The following CTNNA2 variants were observed in gnomAD, a reference collection of about 807,000 sequenced individuals.
CTNNA2 encodes the protein catenin alpha-2.
Under a neutral mutation model 101.0 loss-of-function variants are expected in CTNNA2, and 42 were observed. The ratio of observed to expected loss-of-function variants is 0.42; its 90% CI spans 0.32 to 0.54. The LOEUF (loss-of-function observed/expected upper bound fraction) is 0.54, where lower values mean the gene tolerates loss of function less well. Among genes scored for constraint, CTNNA2 ranks in the 20% least tolerant of loss-of-function variants. The pLI, the probability that CTNNA2 is intolerant of heterozygous loss-of-function variation, is 0.14. For missense variants in CTNNA2, 871 were observed against 1,223.1 expected (o/e 0.71, Z 4.29); for synonymous variants, 450 against 456.4 (o/e 0.99, Z 0.18).
At chr2:80,204,099 C>T (rs1005791303) in intron 7 of CTNNA2, among the ~76,000 whole-genome samples, 8 of 152,180 alleles carry the variant, frequency 5.3e-5, no homozygotes, top group Non-Finnish European at 2.9e-5. Flanking sequence ...ACCCTGGGCC[C>T]GGACCACAAA....
At chr2:79,424,384 C>A (rs1186030439) in intron 4 of CTNNA2, among the ~76,000 whole-genome samples, 1 of 152,078 alleles carries the variant, frequency 6.6e-6, no homozygotes, top group Non-Finnish European at 1.5e-5. Context: ...AAGTATGAGG[C>A]CCATAATTGA....
At chr2:79,920,474 GC>G (rs1686578618) in intron 7 of CTNNA2, among the ~76,000 whole-genome samples, 1 of 152,116 alleles carries the variant, frequency 6.6e-6, no homozygotes, top group Non-Finnish European at 1.5e-5. Flanking sequence ...ATTTGGCCTG[GC>G]ACATAGGAGG....
At chr2:80,204,037 G>A (rs2149022926) in intron 7 of CTNNA2, among the ~76,000 whole-genome samples, 1 of 152,266 alleles carries the variant, frequency 6.6e-6, no homozygotes, top group East Asian at 1.9e-4. Context: ...AGTTATGGCT[G>A]GAGTGGCTGG....
chr2:79,860,570 A>ATTTT (rs1681539838), intron 4 of CTNNA2, among the ~76,000 whole-genome samples: 1 of 15,072 alleles, frequency 6.6e-5, no homozygotes, highest in Non-Finnish European at 1.5e-4. Context: ...TTTTTTAACG[A>ATTTT]TTTAGCACAA....
chr2:80,247,553 T>C (rs558917630), intron 7 of CTNNA2, among the ~76,000 whole-genome samples: 3 of 152,308 alleles, frequency 2.0e-5, no homozygotes, highest in Non-Finnish European at 4.4e-5. Context: ...AACAAGTCTA[T>C]CCTTTTGGAT....
At chr2:79,269,250 T>C (rs546265051) in intron 2 of CTNNA2, among the ~76,000 whole-genome samples, 2 of 152,210 alleles carry the variant, frequency 1.3e-5, no homozygotes, top group Admixed American at 1.3e-4. Flanking sequence ...TCTTAAAATA[T>C]TGACAGCCTA....
At chr2:79,331,643 C>T (rs973234635) in intron 3 of CTNNA2, among the ~76,000 whole-genome samples, 1 of 152,126 alleles carries the variant, frequency 6.6e-6, no homozygotes, top group Non-Finnish European at 1.5e-5. Flanking sequence ...TGCCTTCTTC[C>T]TGGCTCCCAG....
rs1439197354 is a variant in CTNNA2, at chr2:80,619,185, C to G, written c.2531C>G (p.Ala844Gly). Residue 844 changes from alanine (A) to glycine (G), a missense_variant, in exon 18 of 19, where the codon GCT becomes GGT. Physicochemically the swap from Ala to Gly is moderately conservative, Grantham distance 60. Around this residue, in one of 5 missense-constraint regions of CTNNA2, gnomAD observed 65 missense variants for 53.3 expected, o/e 1.22. Coordinates refer to ENST00000402739, the MANE Select transcript of CTNNA2 (RefSeq NM_001282597.3). ...SQLSTHLPTC[A>G]EGAPIGSGSS... ...CTTTCTACCCACCTCCCAACCTGTG[C>G]TGAGGGAGCTCCGATCGGGAGTGGA... is the stretch of plus-strand genomic sequence containing the variant. The G allele has an allele frequency of 1.3e-6, 2 of 1,587,022 alleles. No individual in the cohort carries two copies. The highest frequency in any genetic ancestry group is 2.3e-5 in the East Asian group (1 of 43,772).
intron 9 of CTNNA2, among the ~76,000 whole-genome samples, chr2:80,538,075 T>C (rs1327504577): frequency 6.6e-6 from 1 of 151,590 alleles, no homozygotes; most frequent in African/African-American, 2.4e-5. Context: ...TTTGATAGGG[T>C]TGTTTTTTTC....
intron 2 of CTNNA2, among the ~76,000 whole-genome samples, chr2:79,733,661 G>T (rs1316091001): frequency 6.6e-6 from 1 of 152,008 alleles, no homozygotes; most frequent in African/African-American, 2.4e-5. Context: ...TCTAACATAG[G>T]GATGGGTGGT....
At chr2:79,977,967 A>AC (rs1480655279) in intron 7 of CTNNA2, among the ~76,000 whole-genome samples, 2 of 152,108 alleles carry the variant, frequency 1.3e-5, no homozygotes, top group Admixed American at 6.6e-5. Flanking sequence ...TAATGCAGGG[A>AC]CTCTCCAGCT....
intron 7 of CTNNA2, among the ~76,000 whole-genome samples, chr2:79,979,378 A>G (rs1015130074): frequency 5.9e-5 from 9 of 152,108 alleles, no homozygotes; most frequent in African/African-American, 1.9e-4. Context: ...GCAAGACCCT[A>G]TCTCTAAAAA....
chr2:79,559,083 A>G (rs1292533116), intron 1 of CTNNA2, among the ~76,000 whole-genome samples: 3 of 152,032 alleles, frequency 2.0e-5, no homozygotes, highest in Non-Finnish European at 2.9e-5. Flanking sequence ...TGATGAATGA[A>G]TGCTGAATAA....
chr2:79,566,509 C>T (rs935840671), intron 1 of CTNNA2, among the ~76,000 whole-genome samples: 15 of 152,054 alleles, frequency 9.9e-5, no homozygotes, highest in African/African-American at 3.6e-4. Context: ...AAATCTATTG[C>T]ATATTGAAAT....
intron 4 of CTNNA2, among the ~76,000 whole-genome samples, chr2:79,379,394 G>A (rs1399413004): frequency 1.3e-5 from 2 of 152,088 alleles, no homozygotes; most frequent in African/African-American, 4.8e-5. Flanking sequence ...AGCCTTTGCT[G>A]CCCACTCACT....
chr2:80,587,303 G>A (rs1278221676), intron 14 of CTNNA2, among the ~76,000 whole-genome samples: 1 of 152,058 alleles, frequency 6.6e-6, no homozygotes, highest in Non-Finnish European at 1.5e-5. Context: ...TCTTCTATTT[G>A]TAGATAGTTG....
chr2:79,566,128 A>G (rs935870038), intron 1 of CTNNA2, among the ~76,000 whole-genome samples: 12 of 152,144 alleles, frequency 7.9e-5, no homozygotes, highest in Admixed American at 6.6e-5. Flanking sequence ...AAAGATACCT[A>G]TTAAATATTA....
At chr2:80,391,156 AT>A (rs998005359) in intron 7 of CTNNA2, among the ~76,000 whole-genome samples, 2 of 150,920 alleles carry the variant, frequency 1.3e-5, no homozygotes, top group Non-Finnish European at 2.9e-5. Flanking sequence ...AAAAGTATGT[AT>A]TACATTAAAA....
At chr2:80,332,630 G>A (rs949690943) in intron 7 of CTNNA2, among the ~76,000 whole-genome samples, 13 of 152,180 alleles carry the variant, frequency 8.5e-5, no homozygotes, top group African/African-American at 2.4e-4. Context: ...GAAGGTTGAC[G>A]AAAGAGAAAA....
Sources: gnomAD v4.1 joint callset for allele counts (sites outside exome capture counted in the v4.1 genomes callset) on GRCh38, gnomAD v4.1.1 for gene constraint, gnomAD v4.1.1 regional missense constraint, MANE v1.5 for transcripts, NCBI Gene and HGNC (gene_info 2026-07-23, HGNC 2026-07-21) for gene names.